KAZN: variants seen among roughly 807,000 people sequenced by gnomAD.
KAZN encodes kazrin, periplakin interacting protein.
In KAZN, 40 loss-of-function variants were observed where a neutral mutation model predicts 87.4. The observed-to-expected ratio is 0.46, with a 90% CI of 0.36 to 0.60. The LOEUF is 0.60. Ranked by LOEUF, KAZN falls within the 20% of genes least tolerant of loss-of-function variation. The pLI is 0.00. For missense variants in KAZN, 898 were observed against 1,073.9 expected (o/e 0.84, Z 2.29); for synonymous variants, 466 against 458.3 (o/e 1.02, Z -0.22).
chr1:14,624,883 C>T lies in KAZN; in HGVS notation c.226+25660C>T, dbSNP rs558082581. On this transcript the variant is annotated intron_variant, in intron 1 of 14. Transcript: ENST00000376030. ...GTGACCCAACAGCAAAAGACCTTAT[C>T]GCTCTCTGTCTACCTACCCTGCTTG... 7.9e-5 allele frequency among the ~76,000 whole-genome samples: 12 copies of T among 152,210 alleles called. No individual in the cohort carries two copies. In the South Asian group the frequency reaches 2.1e-3, roughly 26 times the overall value.
intron 1 of KAZN, among the ~76,000 whole-genome samples, chr1:14,065,593 G>A (rs1006261008): frequency 2.7e-5 from 4 of 149,230 alleles, no homozygotes; most frequent in Admixed American, 6.7e-5. Flanking sequence ...GCTCCCAAAG[G>A]AAAACTGCTT....
chr1:13,975,570 CTT>C (rs887170992), intron 1 of KAZN, among the ~76,000 whole-genome samples: 3 of 152,202 alleles, frequency 2.0e-5, no homozygotes, highest in African/African-American at 7.2e-5. Flanking sequence ...CAAACATGCT[CTT>C]GAGTCCCCAG....
At chr1:14,243,967 C>A (rs1557588841) in intron 2 of KAZN, among the ~76,000 whole-genome samples, 1 of 152,164 alleles carries the variant, frequency 6.6e-6, no homozygotes, top group Non-Finnish European at 1.5e-5. Context: ...GATTTCTGAC[C>A]CTGGACTCAG....
chr1:14,971,413 A>C (rs1665016026), intron 2 of KAZN, among the ~76,000 whole-genome samples: 1 of 152,166 alleles, frequency 6.6e-6, no homozygotes, highest in Non-Finnish European at 1.5e-5. Context: ...AAAAGAAAAG[A>C]AAAAGAAAAT....
intron 1 of KAZN, among the ~76,000 whole-genome samples, chr1:13,973,036 A>AT (rs1290830581): frequency 6.6e-6 from 1 of 151,594 alleles, no homozygotes; most frequent in Non-Finnish European, 1.5e-5. Context: ...TCTTTTTCTC[A>AT]TTTTCCCTCC....
At chr1:14,733,671 C>T (rs1365556843) in intron 1 of KAZN, among the ~76,000 whole-genome samples, 1 of 152,040 alleles carries the variant, frequency 6.6e-6, no homozygotes, top group African/African-American at 2.4e-5. Flanking sequence ...AGCGTGGGGA[C>T]TCGGGGGTCA....
At chr1:14,438,857 G>A (rs1170369055) in intron 2 of KAZN, among the ~76,000 whole-genome samples, 1 of 152,218 alleles carries the variant, frequency 6.6e-6, no homozygotes, top group African/African-American at 2.4e-5. Flanking sequence ...GAAGTTTCCA[G>A]TTTCCTCCGG....
intron 2 of KAZN, among the ~76,000 whole-genome samples, chr1:14,962,840 G>A (rs190760617): frequency 6.6e-6 from 1 of 152,212 alleles, no homozygotes; most frequent in African/African-American, 2.4e-5. Context: ...GGGCCTACAG[G>A]GATGGCGGCG....
intron 2 of KAZN, among the ~76,000 whole-genome samples, chr1:14,961,381 C>T (rs1663846764): frequency 6.6e-6 from 1 of 152,118 alleles, no homozygotes; most frequent in African/African-American, 2.4e-5. Context: ...AAGACAAGGA[C>T]CACAGACCCG....
At chr1:14,860,802 G>T (rs904090296) in intron 1 of KAZN, among the ~76,000 whole-genome samples, 2 of 152,190 alleles carry the variant, frequency 1.3e-5, no homozygotes, top group African/African-American at 4.8e-5. Flanking sequence ...AAGTTTATCA[G>T]CTGAAAATAT....
At chr1:14,151,313 TC>T (rs1645469620) in intron 1 of KAZN, among the ~76,000 whole-genome samples, 1 of 152,176 alleles carries the variant, frequency 6.6e-6, no homozygotes, top group African/African-American at 2.4e-5. Flanking sequence ...CATTTTTTTT[TC>T]AGGACATAAT....
chr1:14,678,884 G>A (rs149663493), intron 1 of KAZN, among the ~76,000 whole-genome samples: 8 of 152,264 alleles, frequency 5.3e-5, no homozygotes, highest in Non-Finnish European at 1.2e-4. Context: ...TAATAGGACC[G>A]AAAAAGGGCA....
chr1:15,092,494 T>TG (rs1640600874), intron 8 of KAZN, among the ~76,000 whole-genome samples: 1 of 151,928 alleles, frequency 6.6e-6, no homozygotes, highest in African/African-American at 2.4e-5. Context: ...TGTTTTGAGT[T>TG]GGGGTCTCAG....
rs28604563 is a variant in KAZN at position 14,727,455 on chromosome 1, T to A, written c.226+128232T>A. Among the ~76,000 whole-genome samples the A allele has an allele frequency of 6.8e-5, 2 of 29,618 alleles. 1 individual carries two copies. Among genetic ancestry groups the A allele is most frequent in the Non-Finnish European group, 1.3e-4 (2 of 15,050 alleles). The allele number at this position is 29,618 out of a possible 152,430, so 19.4% of individuals were successfully genotyped here. A position where few individuals can be genotyped will look rare whatever the true frequency, so the allele number is the denominator to read the frequency against. ...TCACATTTATTGTGCACTTTCTTTT[T>A]TTTTTTTTTTTTTTTTTTTTTTTTT... On this transcript the variant is annotated intron_variant, in intron 1 of 14. Coordinates refer to ENST00000376030, the MANE Select transcript of KAZN (RefSeq NM_201628.3).
At chr1:14,129,335 TATGGA>T (rs1331647680) in intron 1 of KAZN, among the ~76,000 whole-genome samples, 1 of 152,218 alleles carries the variant, frequency 6.6e-6, no homozygotes, top group Non-Finnish European at 1.5e-5. Context: ...CCTGTGCCCC[TATGGA>T]GTGAACACTC....
chr1:14,473,092 C>A (rs1668539351), intron 2 of KAZN, among the ~76,000 whole-genome samples: 1 of 152,096 alleles, frequency 6.6e-6, no homozygotes, highest in African/African-American at 2.4e-5. Flanking sequence ...TCTCCGTGAT[C>A]AGGGAATGGA....
intron 1 of KAZN, among the ~76,000 whole-genome samples, chr1:14,802,644 C>T (rs1015110463): frequency 5.3e-5 from 8 of 152,204 alleles, no homozygotes. Context: ...TGTGCTTCCA[C>T]GATCAGGGGG....
intron 1 of KAZN, among the ~76,000 whole-genome samples, chr1:14,727,442 T>C (rs11808982): frequency 1.4e-5 from 2 of 140,494 alleles, no homozygotes; most frequent in African/African-American, 5.2e-5. Flanking sequence ...ACATTTATTG[T>C]GCACTTTCTT....
At chr1:14,408,296 G>C (rs534621597) in intron 2 of KAZN, among the ~76,000 whole-genome samples, 5 of 152,300 alleles carry the variant, frequency 3.3e-5, no homozygotes, top group East Asian at 1.9e-4. Context: ...CAGCCTTATT[G>C]CAAGTCTGTT....
Sources: allele counts gnomAD v4.1 joint callset (sites outside exome capture counted in the v4.1 genomes callset), GRCh38; gene constraint gnomAD v4.1.1; transcripts MANE v1.5; gene names NCBI Gene and HGNC (gene_info 2026-07-23, HGNC 2026-07-21).